The following POFUT3 variants were observed in gnomAD, a reference collection of about 807,000 sequenced individuals.
The protein encoded by POFUT3 is GDP-fucose protein O-fucosyltransferase 3.
the POFUT3 span, among the ~76,000 whole-genome samples, chr8:33,416,626 A>G: frequency 1.8e-4 from 27 of 152,210 alleles, no homozygotes; most frequent in Admixed American, 4.6e-4. Context: ...CAGGAGGATC[A>G]CTTGAGGTCA....
the POFUT3 span, among the ~76,000 whole-genome samples, chr8:33,339,730 A>T: frequency 6.6e-6 from 1 of 152,162 alleles, no homozygotes; most frequent in South Asian, 2.1e-4. Context: ...CAGTTGATTT[A>T]TCATCAAAAA....
chr8:33,410,261 C>A, the POFUT3 span, among the ~76,000 whole-genome samples: 1 of 152,120 alleles, frequency 6.6e-6, no homozygotes, highest in African/African-American at 2.4e-5. Context: ...ATCCAGTGAC[C>A]CTTCCAAGGG....
chr8:33,430,284 C>T, the POFUT3 span, among the ~76,000 whole-genome samples: 88,580 of 151,880 alleles, frequency 0.58, 26,122 homozygotes, highest in African/African-American at 0.62. Context: ...GTCCTTTCAT[C>T]TTTATGCCTT....
At chr8:33,321,546 C>G in the POFUT3 span, among the ~76,000 whole-genome samples, 4 of 152,202 alleles carry the variant, frequency 2.6e-5, no homozygotes, top group Admixed American at 1.3e-4. Flanking sequence ...TATTTGGTCA[C>G]TGGCTTCCCC....
chr8:33,360,447 A>G, the POFUT3 span, among the ~76,000 whole-genome samples: 1 of 146,750 alleles, frequency 6.8e-6, no homozygotes, highest in East Asian at 2.0e-4. Flanking sequence ...CTCCATCTCA[A>G]AAAATATAAA....
At chr8:33,354,429 C>T in the POFUT3 span, among the ~76,000 whole-genome samples, 1 of 152,158 alleles carries the variant, frequency 6.6e-6, no homozygotes, top group Non-Finnish European at 1.5e-5. Flanking sequence ...AATTCCCAAT[C>T]TGAGACTGAA....
the POFUT3 span, among the ~76,000 whole-genome samples, chr8:33,390,020 C>A: frequency 6.6e-6 from 1 of 152,070 alleles, no homozygotes; most frequent in South Asian, 2.1e-4. Context: ...CATGGTGAAA[C>A]CCTGTCTCTG....
the POFUT3 span, among the ~76,000 whole-genome samples, chr8:33,467,092 C>T: frequency 3.3e-5 from 5 of 150,718 alleles, no homozygotes; most frequent in Non-Finnish European, 7.4e-5. Flanking sequence ...GGCTACAGAG[C>T]GAGACTCTGT....
the POFUT3 span, among the ~76,000 whole-genome samples, chr8:33,448,315 A>C: frequency 6.6e-6 from 1 of 152,112 alleles, no homozygotes; most frequent in Non-Finnish European, 1.5e-5. Context: ...ACTCCTCAAC[A>C]CTATCCTATG....
At chr8:33,469,678 CAAGA>C in the POFUT3 span, among the ~76,000 whole-genome samples, 1 of 151,938 alleles carries the variant, frequency 6.6e-6, no homozygotes, top group South Asian at 2.1e-4. Flanking sequence ...TACAACCTCA[CAAGA>C]AAGAGTATTC....
chr8:33,469,586 T>G, the POFUT3 span, among the ~76,000 whole-genome samples: 1 of 152,130 alleles, frequency 6.6e-6, no homozygotes, highest in East Asian at 1.9e-4. Context: ...GCACTTCTAT[T>G]GCAGAAATGA....
At chr8:33,336,231 A>T in the POFUT3 span, among the ~76,000 whole-genome samples, 4 of 152,194 alleles carry the variant, frequency 2.6e-5, no homozygotes, top group Admixed American at 1.3e-4. Context: ...CTAGTTACAA[A>T]TACTCCCATC....
the POFUT3 span, among the ~76,000 whole-genome samples, chr8:33,397,848 C>T: frequency 0.015 from 2,226 of 152,238 alleles, 57 homozygotes; most frequent in African/African-American, 0.051. Flanking sequence ...CCTTAACCTC[C>T]TAAAGTGCTT....
chr8:33,375,077 A>G, the POFUT3 span, among the ~76,000 whole-genome samples: 1 of 151,340 alleles, frequency 6.6e-6, no homozygotes, highest in Non-Finnish European at 1.5e-5. Flanking sequence ...TTTTTAGTAG[A>G]GACGGGGTTT....
the POFUT3 span, among the ~76,000 whole-genome samples, chr8:33,460,524 T>G: frequency 6.6e-6 from 1 of 152,226 alleles, no homozygotes; most frequent in Admixed American, 6.5e-5. Context: ...GTCTGTGTTC[T>G]ACACTTACTA....
At chr8:33,414,233 G>A in the POFUT3 span, among the ~76,000 whole-genome samples, 16 of 151,894 alleles carry the variant, frequency 1.1e-4, no homozygotes, top group Non-Finnish European at 1.5e-4. Flanking sequence ...GAGCAACTCC[G>A]AGATTGCCTG....
the POFUT3 span, among the ~76,000 whole-genome samples, chr8:33,423,456 A>C: frequency 6.6e-6 from 1 of 150,588 alleles, no homozygotes; most frequent in South Asian, 2.1e-4. Context: ...TTATTGTAGA[A>C]ATAGGGTCTC....
chr8:33,431,217 C>A, the POFUT3 span, among the ~76,000 whole-genome samples: 2 of 152,026 alleles, frequency 1.3e-5, no homozygotes, highest in African/African-American at 4.8e-5. Flanking sequence ...TAATTAAGTG[C>A]TCCTCAAAGG....
chr8:33,466,373 G>A, the POFUT3 span, among the ~76,000 whole-genome samples: 1 of 152,044 alleles, frequency 6.6e-6, no homozygotes, highest in Non-Finnish European at 1.5e-5. Flanking sequence ...AGGCTGCACT[G>A]AGCCATGATT....
Sources: allele counts gnomAD v4.1 joint callset (sites outside exome capture counted in the v4.1 genomes callset), GRCh38; gene constraint gnomAD v4.1.1; transcripts MANE v1.5; gene names NCBI Gene and HGNC (gene_info 2026-07-23, HGNC 2026-07-21).